The following ACACA variants were observed in gnomAD, a reference collection of about 807,000 sequenced individuals.
The protein encoded by ACACA is acetyl-CoA carboxylase alpha.
Under a neutral mutation model 296.1 loss-of-function variants are expected in ACACA, and 103 were observed. That is an observed-to-expected ratio of 0.35 (90% CI 0.30 to 0.41). ACACA has a LOEUF of 0.41. ACACA is among the 10% of genes least tolerant of loss of function. The pLI, the probability that ACACA is intolerant of heterozygous loss-of-function variation, is 1.00. For missense variants in ACACA, 1,554 were observed against 2,989.7 expected (o/e 0.52, Z 11.20); for synonymous variants, 953 against 1,038.6 (o/e 0.92, Z 1.58).
chr17:37,324,428 G>C lies in ACACA; in HGVS notation c.338+5745C>G, dbSNP rs2047497719. 2.0e-5 allele frequency among the ~76,000 whole-genome samples: 3 copies of C among 151,762 alleles called. No homozygotes were observed. The South Asian group carries it at 6.2e-4, about 32-fold the overall frequency. On this transcript the variant is annotated intron_variant, in intron 3 of 55. Transcript: ENST00000616317. Reference sequence around the variant, plus strand: ...CGCCCACCCATACTCCCAGCACTTTGGGAGGCTGAGGCGGGCGGATCACGT... The same window carrying C: ...CGCCCACCCATACTCCCAGCACTTTCGGAGGCTGAGGCGGGCGGATCACGT...
chr17:37,178,917 C>T (rs2077219247), intron 41 of ACACA, among the ~76,000 whole-genome samples: 1 of 152,082 alleles, frequency 6.6e-6, no homozygotes, highest in East Asian at 1.9e-4. Context: ...TCACGACCAA[C>T]CCTGTTTCAT....
At chr17:37,287,722 G>A (rs935981588) in intron 3 of ACACA, among the ~76,000 whole-genome samples, 6 of 149,206 alleles carry the variant, frequency 4.0e-5, no homozygotes, top group African/African-American at 1.5e-4. Context: ...CAGCCTGGGC[G>A]ACAGAGCGAG....
At chr17:37,366,798 C>T (rs1306481396) in intron 1 of ACACA, 1 of 151,676 alleles carries the variant, frequency 6.6e-6, no homozygotes, top group Non-Finnish European at 1.5e-5. Flanking sequence ...AAAAAAATCT[C>T]ACCTCTGGGC....
chr17:37,366,631 G>C (rs987590902), intron 1 of ACACA, among the ~76,000 whole-genome samples: 2 of 151,900 alleles, frequency 1.3e-5, no homozygotes, highest in Admixed American at 6.6e-5. Context: ...ACCACGCCTG[G>C]CTAATTTTTG....
chr17:37,331,525 G>A (rs527852443), intron 2 of ACACA, among the ~76,000 whole-genome samples: 66 of 151,430 alleles, frequency 4.4e-4, no homozygotes, highest in African/African-American at 1.3e-3. Context: ...TCTCTGCCTC[G>A]GCCTCCCAAG....
rs778740611 is a variant in ACACA, at chr17:37,240,521, C to A, written c.3076G>T (p.Asp1026Tyr). Residue 1026 changes from aspartate to tyrosine, a missense_variant, in exon 24 of 56, where the codon GAT (aspartate) becomes TAT (tyrosine). By Grantham distance (160) the Asp-to-Tyr change is radical (BLOSUM62 -3). Coordinates refer to ENST00000616317, the MANE Select transcript of ACACA (RefSeq NM_198834.3). ...IRGHMKAVVM[D>Y]LLRQYLRVET... ...ACTCGCAGGTACTGCCGGAGCAGAT[C>A]CATCACCACAGCCTTCATGTGGCCT... 1 of 1,613,740 alleles carries A rather than the reference C, an allele frequency of 6.2e-7. No individual in the cohort carries two copies. The highest frequency in any genetic ancestry group is 8.5e-7 in the Non-Finnish European group (1 of 1,179,990).
At chr17:37,363,773 G>C (rs1049476179) in intron 1 of ACACA, among the ~76,000 whole-genome samples, 38 of 150,456 alleles carry the variant, frequency 2.5e-4, no homozygotes, top group African/African-American at 8.6e-4. Flanking sequence ...ATCACCCGAG[G>C]TCAGGAGTTC....
intron 43 of ACACA, among the ~76,000 whole-genome samples, chr17:37,152,983 A>G (rs533023986): frequency 6.6e-6 from 1 of 152,210 alleles, no homozygotes; most frequent in South Asian, 2.1e-4. Flanking sequence ...CTCTCCTAAT[A>G]TCCAATAATT....
chr17:37,351,336 G>A (rs541088115), intron 1 of ACACA, among the ~76,000 whole-genome samples: 216 of 152,170 alleles, frequency 1.4e-3, no homozygotes, highest in African/African-American at 5.1e-3. Flanking sequence ...GGTGGCACAC[G>A]CCTGTAATTC....
chr17:37,116,572 T>C (rs995455504), intron 50 of ACACA, among the ~76,000 whole-genome samples: 5 of 152,158 alleles, frequency 3.3e-5, no homozygotes, highest in Non-Finnish European at 7.3e-5. Context: ...AGCTGACATG[T>C]TTGGGACTAA....
Position 37,391,678 on chromosome 17 carries a change from C to A in ACACA, c.38+14584G>T, listed in dbSNP as rs762795312. 6 of 1,613,776 alleles carry A rather than the reference C, an allele frequency of 3.7e-6. No individual in the cohort carries two copies. The African/African-American group carries it at 6.7e-5, about 18-fold the overall frequency. ...CAAGATGCTGCCAATTCATCAAACC[C>A]AAAGAAAGCTGCAGAGATCACTGTT... On this transcript the variant is annotated intron_variant, in intron 1 of 55. Coordinates refer to ENST00000616317, the MANE Select transcript of ACACA (RefSeq NM_198834.3).
At chr17:37,115,084 A>G (rs2074178355) in intron 50 of ACACA, among the ~76,000 whole-genome samples, 1 of 151,946 alleles carries the variant, frequency 6.6e-6, no homozygotes, top group Non-Finnish European at 1.5e-5. Flanking sequence ...AACACCCCCT[A>G]CTCTATGTGG....
At chr17:37,234,951 C>G in intron 25 of ACACA, 24 bp downstream of exon 25, 1 of 1,613,552 alleles carries the variant, frequency 6.2e-7, no homozygotes, top group Non-Finnish European at 8.5e-7. Context: ...ACGGTCTTTA[C>G]AAGTTCTGAA....
In ACACA at chr17:37,118,458, C is replaced by T. The variant is rs553641955; in HGVS notation, c.6274+2897G>A. The stretch of plus-strand genomic sequence containing the variant: ...AATAAAAAATGAACTCATTTCTGAG[C>T]TCTTGAAATTTCTTTTCACAATAAC... On this transcript the variant is annotated intron_variant, in intron 50 of 55. Coordinates refer to ENST00000616317, the MANE Select transcript of ACACA (RefSeq NM_198834.3). Among the ~76,000 whole-genome samples, 6 of 152,290 alleles carry T rather than the reference C, an allele frequency of 3.9e-5. No individual in the cohort carries two copies. In the East Asian group the frequency reaches 1.2e-3, roughly 29 times the overall value.
At chr17:37,138,597 C>T (rs984879561) in intron 45 of ACACA, among the ~76,000 whole-genome samples, 1 of 152,184 alleles carries the variant, frequency 6.6e-6, no homozygotes, top group Non-Finnish European at 1.5e-5. Context: ...CTCCCTGTCA[C>T]CTTCACATTA....
At chr17:37,404,212 A>C (rs879318608) in intron 1 of ACACA, among the ~76,000 whole-genome samples, 5 of 152,208 alleles carry the variant, frequency 3.3e-5, no homozygotes, top group Admixed American at 1.3e-4. Context: ...GCCAGTCTCA[A>C]AATTTGAGTT....
intron 40 of ACACA, among the ~76,000 whole-genome samples, chr17:37,180,225 T>C (rs1466248425): frequency 7.9e-5 from 12 of 152,172 alleles, no homozygotes; most frequent in Admixed American, 7.9e-4. Context: ...TTTATAGCAC[T>C]GGCATTGGGA....
chr17:37,145,621 C>T (rs945139307), intron 45 of ACACA, among the ~76,000 whole-genome samples: 1 of 152,228 alleles, frequency 6.6e-6, no homozygotes, highest in African/African-American at 2.4e-5. Flanking sequence ...CATGTTCTGA[C>T]CCTGATCTAG....
chr17:37,276,523 G>C (rs2082290962), intron 7 of ACACA, among the ~76,000 whole-genome samples: 1 of 152,230 alleles, frequency 6.6e-6, no homozygotes, highest in African/African-American at 2.4e-5. Flanking sequence ...CTCTGAGACC[G>C]AGAGAAAAAT....
Sources: gnomAD v4.1 joint callset for allele counts (sites outside exome capture counted in the v4.1 genomes callset) on GRCh38, gnomAD v4.1.1 for gene constraint, MANE v1.5 for transcripts, NCBI Gene and HGNC (gene_info 2026-07-23, HGNC 2026-07-21) for gene names.